Variants in LY9 observed in about 807,000 individuals in gnomAD.
LY9 encodes lymphocyte antigen 9.
A neutral mutation model predicts 64.6 loss-of-function variants in LY9; 59 were observed. The observed-to-expected ratio is 0.91, with a 90% CI of 0.74 to 1.13. The LOEUF is 1.13. LY9 is among the 50% of genes most tolerant of loss of function. The pLI is 0.00. For missense variants in LY9, 789 were observed against 797.2 expected, an observed-to-expected ratio of 0.99 and a Z score of 0.12; for synonymous variants, 281 against 308.5, an observed-to-expected ratio of 0.91 and a Z score of 0.93.
intron 8 of LY9, 109 bp from the exon 9 acceptor site, chr1:160,824,072 G>A (rs1257777906): frequency 1.5e-5 from 20 of 1,369,190 alleles, no homozygotes; most frequent in African/African-American, 2.9e-5. Context: ...CTCCCACCCT[G>A]TGTGTGAGAT....
intron 7 of LY9, among the ~76,000 whole-genome samples, chr1:160,821,438 T>C (rs895829247): frequency 4.6e-5 from 7 of 152,266 alleles, no homozygotes; most frequent in Non-Finnish European, 1.0e-4. Context: ...TTAATGTTTG[T>C]AGATTAAAAC....
chr1:160,807,155 T>C (rs1667059498), intron 2 of LY9, among the ~76,000 whole-genome samples: 1 of 152,238 alleles, frequency 6.6e-6, no homozygotes, highest in Admixed American at 6.5e-5. Flanking sequence ...TTTCTTTGTA[T>C]TGTTTTTCAG....
At chr1:160,800,282 TCTCTATCTTA>T (rs1245480878) in intron 2 of LY9, 200 bp downstream of exon 2, 1 of 564,066 alleles carries the variant, frequency 1.8e-6, no homozygotes, top group Non-Finnish European at 3.1e-6. Flanking sequence ...GAATTGATTT[TCTCTATCTTA>T]CTGTATGTTT....
chr1:160,818,455 G>T (rs1668127830), intron 6 of LY9, 136 bp downstream of exon 6: 3 of 627,350 alleles, frequency 4.8e-6, no homozygotes. Context: ...CAATGGGGGA[G>T]GGGTGTCAGT....
chr1:160,823,812 C>A lies in LY9; in HGVS notation c.1830+16C>A. 6.4e-7 allele frequency: 1 copy of A among 1,570,130 alleles called. No individual in the cohort carries two copies. On this transcript the variant is annotated intron_variant, in intron 8 of 9. Transcript: ENST00000263285. The stretch of plus-strand genomic sequence containing the variant: ...CAACTTACAGGTGAGCCCTTCTGAT[C>A]AATACACCTTCCTCCTCCTCCCATG...
rs371190930 is a variant in LY9 at position 160,824,750 on chromosome 1, C to T, written c.1899+501C>T. The T allele has an allele frequency of 9.8e-6, 6 of 609,738 alleles. 1 individual carries two copies. Among genetic ancestry groups the T allele is most frequent in the Middle Eastern group, 8.4e-4 (1 of 1,196 alleles). The allele number at this position is 609,738 out of a possible 1,614,324, so 37.8% of individuals were successfully genotyped here. A position where few individuals can be genotyped will look rare whatever the true frequency, so the allele number is the denominator to read the frequency against. On this transcript the variant is annotated intron_variant, in intron 9 of 9. Coordinates refer to ENST00000263285, the MANE Select transcript of LY9 (RefSeq NM_002348.4). ...ATCCCAGCACTTTGGGAGGCCAAGG[C>T]GGGTGGATCACAAGGTCAGGAGATG...
Position 160,823,742 on chromosome 1 carries a change from A to C in LY9, c.1776A>C (p.Glu592Asp). ...ATCCCGTCACTCCATATGTCACGGA[A>C]GTTGAGTCTGTGGTTGGAGAGAACA... ...DYDPVTPYVTEVESVVGENTM... is the reference protein window; with the variant it reads ...DYDPVTPYVTDVESVVGENTM... The change falls in exon 8 of 10, where the codon GAA (glutamate) becomes GAC (aspartate). Residue 592 changes from glutamate to aspartate, a missense_variant. Physicochemically the swap from Glu to Asp is conservative, Grantham distance 45. Transcript: ENST00000263285. 6.2e-7 allele frequency: 1 copy of C among 1,614,166 alleles called. No individual in the cohort carries two copies. Among genetic ancestry groups the C allele is most frequent in the Non-Finnish European group, 8.5e-7 (1 of 1,180,008 alleles).
chr1:160,816,878 C>G lies in LY9; in HGVS notation c.1342+15C>G, dbSNP rs749271430. 12 of 1,613,886 alleles carry G rather than the reference C, an allele frequency of 7.4e-6. 1 individual carries two copies. In the South Asian group the frequency reaches 1.1e-4, roughly 15 times the overall value. On this transcript the variant is annotated intron_variant, in intron 5 of 9. Coordinates refer to ENST00000263285, the MANE Select transcript of LY9 (RefSeq NM_002348.4). Reference sequence around the variant, plus strand: ...CATCTGTTCAGGTTTCTCTCCATCTCTATTTACTCAGGTCACAGGACCTTG... The same window carrying G: ...CATCTGTTCAGGTTTCTCTCCATCTGTATTTACTCAGGTCACAGGACCTTG...
chr1:160,808,851 C>A (rs1571000356), intron 2 of LY9, among the ~76,000 whole-genome samples: 1 of 152,274 alleles, frequency 6.6e-6, no homozygotes, highest in East Asian at 1.9e-4. Flanking sequence ...AACAGACATT[C>A]TTTTTCTCCA....
At chr1:160,823,392 T>C (rs1668626980) in intron 7 of LY9, 73 bp from the exon 8 acceptor site, 2 of 1,178,480 alleles carry the variant, frequency 1.7e-6, no homozygotes, top group Non-Finnish European at 1.2e-6. Flanking sequence ...CAGAGCAGGC[T>C]GGGGCCTTGC....
chr1:160,804,862 C>T (rs1666826554), intron 2 of LY9, among the ~76,000 whole-genome samples: 1 of 152,076 alleles, frequency 6.6e-6, no homozygotes, highest in Admixed American at 6.5e-5. Flanking sequence ...CTAGGCTTTT[C>T]AGTTTGTCAG....
chr1:160,824,165 T>C lies in LY9; in HGVS notation c.1831-16T>C, dbSNP rs900658940. 1 of 1,614,128 alleles carries C rather than the reference T, an allele frequency of 6.2e-7. No individual in the cohort carries two copies. The highest frequency in any genetic ancestry group is 8.5e-7 in the Non-Finnish European group (1 of 1,179,992). On this transcript the variant is annotated splice_polypyrimidine_tract_variant and intron_variant, in intron 8 of 9. Transcript: ENST00000263285. ...CATGTGGTCACTAGGGCTCATCTGCTGTTGGTGTGTTACAGGGAAAGACCC... is the reference window on the plus strand; with the variant it reads ...CATGTGGTCACTAGGGCTCATCTGCCGTTGGTGTGTTACAGGGAAAGACCC...
At chr1:160,822,880 C>T (rs1428732300) in intron 7 of LY9, among the ~76,000 whole-genome samples, 5 of 152,194 alleles carry the variant, frequency 3.3e-5, no homozygotes, top group African/African-American at 1.2e-4. Flanking sequence ...GAGACTGCTC[C>T]AGGCTTTACA....
intron 2 of LY9, among the ~76,000 whole-genome samples, chr1:160,803,880 G>A (rs954735808): frequency 1.3e-5 from 2 of 152,118 alleles, no homozygotes; most frequent in African/African-American, 2.4e-5. Context: ...ATGGTGGCAT[G>A]TGCCTGTAGT....
At chr1:160,817,590 C>T (rs1012750963) in intron 5 of LY9, among the ~76,000 whole-genome samples, 1 of 152,208 alleles carries the variant, frequency 6.6e-6, no homozygotes, top group African/African-American at 2.4e-5. Context: ...TTAATAAATG[C>T]TAAGTACTAT....
intron 2 of LY9, chr1:160,801,918 G>C (rs765273423): frequency 1.9e-5 from 31 of 1,611,690 alleles, no homozygotes; most frequent in African/African-American, 2.7e-5. Context: ...GGAGGGCTAG[G>C]CCCTCGCCCC....
intron 2 of LY9, chr1:160,813,271 G>A (rs1380363989): frequency 1.6e-5 from 4 of 251,220 alleles, no homozygotes; most frequent in African/African-American, 8.8e-5. Flanking sequence ...TAGCGTTTGG[G>A]GCTGGGCCAT....
In LY9 at chr1:160,799,954, T is replaced by A. The variant is rs750485556; in HGVS notation, c.326T>A (p.Ile109Asn). 6.2e-7 allele frequency: 1 copy of A among 1,614,018 alleles called. No homozygotes were observed. The highest frequency in any genetic ancestry group is 8.5e-7 in the Non-Finnish European group (1 of 1,180,016). ...AAAAGCTACCTGGGCCGACTAGACATCACCAAGTGGAGTTACTCCCTGTGC... is the reference window on the plus strand; with the variant it reads ...AAAAGCTACCTGGGCCGACTAGACAACACCAAGTGGAGTTACTCCCTGTGC... ...MVKSYLGRLDITKWSYSLCIS... is the reference protein window; with the variant it reads ...MVKSYLGRLDNTKWSYSLCIS... The change falls in exon 2 of 10, where the codon ATC becomes AAC. Residue 109 changes from isoleucine (I) to asparagine (N), a missense_variant. Transcript: ENST00000263285.
At chr1:160,813,460 T>C (rs1667680574) in intron 2 of LY9, 176 bp from the exon 3 acceptor site, 2 of 612,912 alleles carry the variant, frequency 3.3e-6, no homozygotes, top group South Asian at 2.0e-5. Context: ...TAGCGGATGT[T>C]ATGGGAGTAC....
Sources: gnomAD v4.1 joint callset for allele counts (sites outside exome capture counted in the v4.1 genomes callset) on GRCh38, gnomAD v4.1.1 for gene constraint, MANE v1.5 for transcripts, NCBI Gene and HGNC (gene_info 2026-07-23, HGNC 2026-07-21) for gene names.